PCDH11X: variants seen among roughly 807,000 people sequenced by gnomAD.
The protein encoded by PCDH11X is protocadherin-11 X-linked.
A neutral mutation model predicts 53.3 loss-of-function variants in PCDH11X; 18 were observed. That is an observed-to-expected ratio of 0.34 (90% CI 0.23 to 0.50). PCDH11X has a LOEUF of 0.50. PCDH11X is among the 20% of genes least tolerant of loss of function. The pLI is 0.98. For synonymous variants in PCDH11X, 279 were observed against 393.3 expected (o/e 0.71, Z 3.44); for missense variants, 570 against 1,032.4 (o/e 0.55, Z 6.14).
intron 8 of PCDH11X, among the ~76,000 whole-genome samples, chrX:92,381,139 G>GCTA (rs2070867146): frequency 9.9e-6 from 1 of 101,363 alleles, no homozygotes; most frequent in Admixed American, 1.1e-4. Flanking sequence ...AACGTTGCTT[G>GCTA]CTACTATCTT....
chrX:92,136,712 G>A (rs2065088939), intron 6 of PCDH11X, among the ~76,000 whole-genome samples: 1 of 108,012 alleles, frequency 9.3e-6, no homozygotes, highest in African/African-American at 3.4e-5. Flanking sequence ...GACCCCTGTT[G>A]TAGATAGAGC....
chrX:92,265,772 A>C (rs1187863390), intron 8 of PCDH11X, among the ~76,000 whole-genome samples: 1 of 111,843 alleles, frequency 8.9e-6, no homozygotes, highest in Non-Finnish European at 1.9e-5. Context: ...AACTCAGGCA[A>C]TCTGTCTCCA....
chrX:92,447,970 C>A (rs1266077836), intron 9 of PCDH11X, among the ~76,000 whole-genome samples: 1 of 108,272 alleles, frequency 9.2e-6, no homozygotes, highest in Middle Eastern at 4.7e-3. Flanking sequence ...GATTTCACTG[C>A]CCTGCTGAGT....
At chrX:92,306,332 G>A (rs1403672439) in intron 8 of PCDH11X, among the ~76,000 whole-genome samples, 33 of 105,105 alleles carry the variant, frequency 3.1e-4, no homozygotes, top group African/African-American at 1.1e-3. Flanking sequence ...AAGAATTAGA[G>A]AAAGAACAAA....
intron 7 of PCDH11X, among the ~76,000 whole-genome samples, chrX:92,256,380 G>T (rs2067586533): frequency 9.0e-6 from 1 of 111,146 alleles, no homozygotes; most frequent in Non-Finnish European, 1.9e-5. Flanking sequence ...ACCTCAGATG[G>T]AAATGCAGAA....
At chrX:92,501,767 C>G (rs1334196851) in intron 10 of PCDH11X, among the ~76,000 whole-genome samples, 1 of 111,325 alleles carries the variant, frequency 9.0e-6, no homozygotes, top group African/African-American at 3.3e-5. Context: ...CAATATCATA[C>G]TGAATGAGCA....
At chrX:92,435,799 A>G (rs930333289) in intron 9 of PCDH11X, among the ~76,000 whole-genome samples, 8 of 111,436 alleles carry the variant, frequency 7.2e-5, no homozygotes, top group Non-Finnish European at 1.3e-4. Flanking sequence ...CACTAAATAT[A>G]GAAAGGAAAG....
At chrX:91,898,670 G>A (rs1940841561) in intron 6 of PCDH11X, among the ~76,000 whole-genome samples, 1 of 96,773 alleles carries the variant, frequency 1.0e-5, no homozygotes, top group Non-Finnish European at 2.0e-5. Context: ...ATCAGGTGAT[G>A]AGTTTTAATC....
chrX:91,991,352 CTTT>C (rs767822249), intron 6 of PCDH11X, among the ~76,000 whole-genome samples: 1 of 55,015 alleles, frequency 1.8e-5, no homozygotes. Context: ...TTAAGACTTT[CTTT>C]TTTTTTTTTT....
At chrX:91,983,751 G>A (rs1272399903) in intron 6 of PCDH11X, among the ~76,000 whole-genome samples, 1 of 111,260 alleles carries the variant, frequency 9.0e-6, no homozygotes, top group African/African-American at 3.3e-5. Context: ...ATGAGATTTG[G>A]GTGGGGACAC....
At chrX:91,883,607 C>A (rs2147745652) in intron 6 of PCDH11X, 1 of 600,970 alleles carries the variant, frequency 1.7e-6, no homozygotes, top group South Asian at 8.9e-5. Flanking sequence ...AGATTGAGAC[C>A]ATCCTGGCTA....
chrX:91,907,412 CAGAGAGAG>C (rs59848282), intron 6 of PCDH11X, among the ~76,000 whole-genome samples: 2 of 57,498 alleles, frequency 3.5e-5, no homozygotes, highest in African/African-American at 1.5e-4. Context: ...CACACACACA[CAGAGAGAG>C]AGAGAGAGAG....
intron 5 of PCDH11X, among the ~76,000 whole-genome samples, chrX:91,857,346 G>T (rs1316081887): frequency 9.0e-6 from 1 of 111,385 alleles, no homozygotes; most frequent in South Asian, 3.8e-4. Context: ...TTTGAAATTT[G>T]GGTGGGGACA....
chrX:91,974,872 C>A (rs1326190788), intron 6 of PCDH11X, among the ~76,000 whole-genome samples: 11 of 110,451 alleles, frequency 1.0e-4, no homozygotes, highest in African/African-American at 3.6e-4. Flanking sequence ...CCTGCCTCAG[C>A]CTCCCAAGTA....
At chrX:92,603,816 A>G (rs759027715) in intron 10 of PCDH11X, among the ~76,000 whole-genome samples, 11 of 101,462 alleles carry the variant, frequency 1.1e-4, no homozygotes, top group African/African-American at 3.6e-4. Flanking sequence ...ATTTGAAACC[A>G]CATTAAAAAA....
chrX:91,950,595 T>TATATAAATGTG (rs2061627820), intron 6 of PCDH11X, among the ~76,000 whole-genome samples: 1 of 77,044 alleles, frequency 1.3e-5, no homozygotes, highest in Non-Finnish European at 2.8e-5. Context: ...ATGTGATATA[T>TATATAAATGTG]ATATATATAT....
chrX:92,213,414 C>T (rs1308861260), intron 7 of PCDH11X, among the ~76,000 whole-genome samples: 1 of 111,655 alleles, frequency 9.0e-6, no homozygotes, highest in African/African-American at 3.3e-5. Flanking sequence ...GAAACTGAGG[C>T]TCAGAGAGGT....
At chrX:92,395,990 G>A (rs1369929708) in intron 9 of PCDH11X, among the ~76,000 whole-genome samples, 15 of 108,877 alleles carry the variant, frequency 1.4e-4, no homozygotes, top group Non-Finnish European at 2.7e-4. Context: ...CCCTGGAAGA[G>A]CATTTGGAGC....
At chrX:92,271,075 C>T (rs564335008) in intron 8 of PCDH11X, among the ~76,000 whole-genome samples, 1 of 111,957 alleles carries the variant, frequency 8.9e-6, no homozygotes, top group African/African-American at 3.2e-5. Flanking sequence ...GAAAAAAACA[C>T]CATGAAACAA....
Sources: gnomAD v4.1 joint callset for allele counts (sites outside exome capture counted in the v4.1 genomes callset) on GRCh38, gnomAD v4.1.1 for gene constraint, MANE v1.5 for transcripts, NCBI Gene and HGNC (gene_info 2026-07-23, HGNC 2026-07-21) for gene names.